ZNF16: variants seen among roughly 807,000 people sequenced by gnomAD.
ZNF16 encodes zinc finger protein 16, also known as zinc finger protein KOX9.
ZNF16 carries 7 observed loss-of-function variants against 9.0 expected under a neutral mutation model. That is an observed-to-expected ratio of 0.78 (90% CI 0.44 to 1.47). The LOEUF (loss-of-function observed/expected upper bound fraction) is 1.47. ZNF16 is among the 40% of genes most tolerant of loss of function. The probability of loss-of-function intolerance (pLI) is 0.01; values close to 1 mark genes in which losing one functional copy is unlikely to be tolerated. For missense variants in ZNF16, 830 were observed against 854.2 expected, an observed-to-expected ratio of 0.97 and a Z score of 0.35; for synonymous variants, 312 against 301.5, an observed-to-expected ratio of 1.03 and a Z score of -0.36.
Position 144,932,696 on chromosome 8 carries a change from A to T in ZNF16, c.197-106T>A. The T allele has an allele frequency of 2.4e-6, 3 of 1,225,166 alleles. No homozygotes were observed. The highest frequency in any genetic ancestry group is 2.3e-6 in the Non-Finnish European group (2 of 878,892). The allele number at this position is 1,225,166 out of a possible 1,614,324, so 75.9% of individuals were successfully genotyped here. On this transcript the variant is annotated intron_variant, in intron 2 of 2. Coordinates refer to ENST00000394909, the MANE Select transcript of ZNF16 (RefSeq NM_006958.3). The surrounding 1 kb of genome is among the most constrained non-coding windows in gnomAD (Gnocchi z 5.0). ...TAACTGTGGAGGAGGCAAGGGGAGC[A>T]GGGGATCCTCTGGGGTGGCAGTCCA...
rs145118319 is a variant in ZNF16 at position 144,934,863 on chromosome 8, TA to T, written c.197-2274del. Among the ~76,000 whole-genome samples, 832 of 152,204 alleles carry T rather than the reference TA, an allele frequency of 5.5e-3. 2 individuals are homozygous for T. The highest frequency in any genetic ancestry group is 0.01 in the Middle Eastern group (3 of 294). On this transcript the variant is annotated intron_variant, in intron 2 of 2. Transcript: ENST00000394909. ...TCTTCTTTGTTGTTTTTAAAACCCT[TA>T]AAAAACACCTCAAAAGCATTCTTAG...
Position 144,931,837 on chromosome 8 carries a change from C to A in ZNF16, c.950G>T (p.Ser317Ile). Residue 317 changes from serine to isoleucine, a missense_variant, in exon 3 of 3, where the codon AGT becomes ATT. By Grantham distance (142) the Ser-to-Ile change is moderately radical. Coordinates refer to ENST00000394909, the MANE Select transcript of ZNF16 (RefSeq NM_006958.3). ...TTCATTGCATTCATAGGGCTTCTCA[C>A]TCATGTGAGACTTTTGGTGCTTTTT... The part of the protein sequence containing the change: ...SLKKHQKSHM[S>I]EKPYECNECG... 5.6e-6 allele frequency: 9 copies of A among 1,614,244 alleles called. No homozygotes were observed. Among genetic ancestry groups the A allele is most frequent in the Non-Finnish European group, 7.6e-6 (9 of 1,180,048 alleles).
In ZNF16 at chr8:144,947,220, T is replaced by C. The variant is rs576982441; in HGVS notation, c.-9-1005A>G. Among the ~76,000 whole-genome samples, 10 of 141,696 alleles carry C rather than the reference T, an allele frequency of 7.1e-5. No individual in the cohort carries two copies. In the East Asian group the frequency reaches 1.7e-3, roughly 24 times the overall value. 93.0% of individuals were successfully genotyped at this position (141,696 alleles called of 152,430 possible). On this transcript the variant is annotated intron_variant, in intron 1 of 2. Transcript: ENST00000394909. Reference sequence around the variant, plus strand: ...GTGTCCTGCTGTTGGGCTTGTGTCCTGCTGTTGGGCTTGTGTCCTGCTGTG... The same window carrying C: ...GTGTCCTGCTGTTGGGCTTGTGTCCCGCTGTTGGGCTTGTGTCCTGCTGTG...
At chr8:144,949,945 T>C (rs540009977) in intron 1 of ZNF16, among the ~76,000 whole-genome samples, 51 of 152,176 alleles carry the variant, frequency 3.4e-4, no homozygotes, top group Admixed American at 1.1e-3. Context: ...GGAAGGCCAC[T>C]CTCTCCTGCC....
chr8:144,930,398 C>T lies in ZNF16; in HGVS notation c.*340G>A, dbSNP rs546688259. The T allele has an allele frequency of 4.4e-5, 10 of 228,628 alleles. No individual in the cohort carries two copies. The highest frequency in any genetic ancestry group is 1.4e-4 in the South Asian group (1 of 7,012). 14.2% of individuals were successfully genotyped at this position (228,628 alleles called of 1,614,324 possible). ...ACTACTATGGTTATCTCAAACCAAA[C>T]GTCACTTTACTTTTTTGGTAACTTT... On this transcript the variant is annotated 3_prime_UTR_variant, in exon 3 of 3. Transcript: ENST00000394909.
rs780453032 is a variant in ZNF16 at position 144,930,729 on chromosome 8, C to T, written c.*9G>A. 7.9e-6 allele frequency: 12 copies of T among 1,518,548 alleles called. No homozygotes were observed. The highest frequency in any genetic ancestry group is 1.1e-5 in the Non-Finnish European group (12 of 1,135,284). 94.1% of individuals were successfully genotyped at this position (1,518,548 alleles called of 1,614,324 possible). ...CTATGCTCGGTTTCACTCCTGCCAG[C>T]CCAACAGCCTATTCCCTGGTGTGAA... On this transcript the variant is annotated 3_prime_UTR_variant, in exon 3 of 3. Transcript: ENST00000394909.
chr8:144,939,503 G>A (rs1833753873), intron 2 of ZNF16, among the ~76,000 whole-genome samples: 1 of 150,548 alleles, frequency 6.6e-6, no homozygotes, highest in Non-Finnish European at 1.5e-5. Flanking sequence ...GGCTGAGACA[G>A]GAGAATTGCT....
In ZNF16 at chr8:144,950,805, G is replaced by GTAACC. The variant is rs1834099164; in HGVS notation, c.-19_-18insGGTTA. The GTAACC allele has an allele frequency of 6.6e-6, 1 of 152,254 alleles. No individual in the cohort carries two copies. The highest frequency in any genetic ancestry group is 1.5e-5 in the Non-Finnish European group (1 of 68,070). 9.4% of individuals were successfully genotyped at this position (152,254 alleles called of 1,614,324 possible). A position where few individuals can be genotyped will look rare whatever the true frequency, so the allele number is the denominator to read the frequency against. ...AGCTTCGCGGAACTAACCTCAACGG[G>GTAACC]TCGCGCTTGGAAAGGAGGCAGCACC... On this transcript the variant is annotated 5_prime_UTR_variant, in exon 1 of 3. Transcript: ENST00000394909.
chr8:144,943,168 C>T (rs1008970888), intron 2 of ZNF16, among the ~76,000 whole-genome samples: 1 of 152,194 alleles, frequency 6.6e-6, no homozygotes, highest in East Asian at 1.9e-4. Context: ...TTTAACTAAG[C>T]CGTCCCACTG....
Position 144,932,146 on chromosome 8 carries a change from C to A in ZNF16, c.641G>T (p.Cys214Phe). The A allele has an allele frequency of 1.2e-6, 2 of 1,614,224 alleles. No homozygotes were observed. The highest frequency in any genetic ancestry group is 1.6e-4 in the Middle Eastern group (1 of 6,062). Reference sequence around the variant, plus strand: ...AGGATTTCCTTGGAAGGTTTTCCCACACTCATTACATATGAGTGGACTTTC... The same window carrying A: ...AGGATTTCCTTGGAAGGTTTTCCCAAACTCATTACATATGAGTGGACTTTC... The part of the protein sequence containing the change: ...TAESPLICNE[C>F]GKTFQGNPDL... The change falls in exon 3 of 3, where the codon TGT becomes TTT. Residue 214 changes from cysteine (C) to phenylalanine (F), a missense_variant. By Grantham distance (205) the Cys-to-Phe change is radical. Transcript: ENST00000394909. The surrounding 1 kb of genome is among the most constrained non-coding windows in gnomAD (Gnocchi z 5.0).
intron 1 of ZNF16, chr8:144,948,498 G>A (rs1314182923): frequency 6.6e-6 from 1 of 152,172 alleles, no homozygotes; most frequent in Admixed American, 6.5e-5. Flanking sequence ...AAGTGGTGAT[G>A]TAATAATCTG....
rs765124635 is a variant in ZNF16, at chr8:144,931,692, G to A, written c.1095C>T (p.Ile365=). 2 of 1,613,356 alleles carry A rather than the reference G, an allele frequency of 1.2e-6. No individual in the cohort carries two copies. The change falls in exon 3 of 3, where the codon ATC becomes ATT. Residue 365 remains isoleucine, a synonymous_variant. Transcript: ENST00000394909. ...GKAFRRSSNL[I]KHHRTHTGEK... ...CTCCTGTGTGAGTCCTGTGGTGTTTGATGAGGTTTGAGCTTCGCCTGAAGG... is the reference window on the plus strand; with the variant it reads ...CTCCTGTGTGAGTCCTGTGGTGTTTAATGAGGTTTGAGCTTCGCCTGAAGG...
chr8:144,946,597 A>ACCCTGCTGTGGGCCTGTG (rs1563925677), intron 1 of ZNF16, among the ~76,000 whole-genome samples: 7 of 81,600 alleles, frequency 8.6e-5, no homozygotes, highest in African/African-American at 3.0e-4. Context: ...GTGGGTCTGT[A>ACCCTGCTGTGGGCCTGTG]TCCTGCTGTT....
intron 2 of ZNF16, among the ~76,000 whole-genome samples, chr8:144,935,391 A>G (rs1478245496): frequency 6.6e-6 from 1 of 152,018 alleles, no homozygotes; most frequent in East Asian, 1.9e-4. Flanking sequence ...TTTTTAGTAG[A>G]GACAGGGTTT....
At chr8:144,944,921 T>C (rs1289761097) in intron 2 of ZNF16, 1 of 152,230 alleles carries the variant, frequency 6.6e-6, no homozygotes, top group African/African-American at 2.4e-5. Flanking sequence ...AAAACACTTC[T>C]CCCAGTCTTT....
Position 144,931,905 on chromosome 8 carries a change from C to T in ZNF16, c.882G>A (p.Met294Ile). 1 of 1,614,206 alleles carries T rather than the reference C, an allele frequency of 6.2e-7. No individual in the cohort carries two copies. The highest frequency in any genetic ancestry group is 8.5e-7 in the Non-Finnish European group (1 of 1,180,036). Reference sequence around the variant, plus strand: ...TGAAGGCTTTTCCACATTCATTACACATATAAGGCCTCTCACTGCTGTGGT... The same window carrying T: ...TGAAGGCTTTTCCACATTCATTACATATATAAGGCCTCTCACTGCTGTGGT... The part of the protein sequence containing the change: ...QSHHSSERPY[M>I]CNECGKAFSQ... The change falls in exon 3 of 3, where the codon ATG becomes ATA. Residue 294 changes from methionine to isoleucine, a missense_variant. Met to Ile is a conservative substitution (Grantham distance 10). Transcript: ENST00000394909.
intron 2 of ZNF16, chr8:144,945,155 T>C (rs553609711): frequency 2.6e-5 from 4 of 152,096 alleles, no homozygotes; most frequent in Non-Finnish European, 5.9e-5. Context: ...TATTTTTTTC[T>C]GAGACAGAGC....
In ZNF16 at chr8:144,932,475, G is replaced by A. The variant is rs373206540; in HGVS notation, c.312C>T (p.Pro104=). Residue 104 remains proline, a synonymous_variant, in exon 3 of 3, where the codon CCC becomes CCT. Transcript: ENST00000394909. The surrounding 1 kb of genome is among the most constrained non-coding windows in gnomAD (Gnocchi z 5.0). ...CATCATCACACAGATCTCCAAGCTC[G>A]GGTACCTGGGAAACATCACCAGCAT... ...ENYAGDVSQV[P]ELGDLCDDVS... 21 of 1,614,172 alleles carry A rather than the reference G, an allele frequency of 1.3e-5. No homozygotes were observed. Among genetic ancestry groups the A allele is most frequent in the South Asian group, 2.2e-5 (2 of 91,080 alleles).
At chr8:144,937,136 TCTCTCTC>T (rs761238403) in intron 2 of ZNF16, among the ~76,000 whole-genome samples, 4 of 119,894 alleles carry the variant, frequency 3.3e-5, no homozygotes, top group African/African-American at 9.2e-5. Flanking sequence ...TCACTTTCTT[TCTCTCTC>T]TTTTTTTTTT....
Sources: allele counts gnomAD v4.1 joint callset (sites outside exome capture counted in the v4.1 genomes callset), GRCh38; gene constraint gnomAD v4.1.1; non-coding constraint Gnocchi (gnomAD v3.1); transcripts MANE v1.5; gene names NCBI Gene and HGNC (gene_info 2026-07-23, HGNC 2026-07-21).